Variants in TRAF3IP1 observed in about 807,000 individuals in gnomAD.
The protein encoded by TRAF3IP1 is TRAF3-interacting protein 1.
A neutral mutation model predicts 89.9 loss-of-function variants in TRAF3IP1; 53 were observed. That is an observed-to-expected ratio of 0.59 (90% CI 0.47 to 0.74). TRAF3IP1 has a LOEUF of 0.74. TRAF3IP1 is among the 30% of genes least tolerant of loss of function. The pLI, the probability that TRAF3IP1 is intolerant of heterozygous loss-of-function variation, is 0.00. For synonymous variants in TRAF3IP1, 311 were observed against 322.1 expected (o/e 0.97, Z 0.37); for missense variants, 806 against 866.1 (o/e 0.93, Z 0.87).
intron 15 of TRAF3IP1, among the ~76,000 whole-genome samples, chr2:238,359,602 A>G (rs1276169443): frequency 6.6e-6 from 1 of 152,164 alleles, no homozygotes; most frequent in African/African-American, 2.4e-5. Context: ...TGGATATACC[A>G]CAGTGTGTTC....
intron 8 of TRAF3IP1, among the ~76,000 whole-genome samples, chr2:238,342,032 A>G (rs1698683787): frequency 6.6e-6 from 1 of 151,904 alleles, no homozygotes; most frequent in South Asian, 2.1e-4. Context: ...CTCTATTGCC[A>G]GGTTGGAGTG....
At chr2:238,376,765 G>C (rs1700332748) in intron 15 of TRAF3IP1, among the ~76,000 whole-genome samples, 1 of 152,188 alleles carries the variant, frequency 6.6e-6, no homozygotes, top group Non-Finnish European at 1.5e-5. Flanking sequence ...TAGTAATGCT[G>C]TTGACTTATA....
chr2:238,347,080 T>A (rs1178451850), intron 9 of TRAF3IP1: 1 of 190,452 alleles, frequency 5.3e-6, no homozygotes, highest in African/African-American at 2.4e-5. Flanking sequence ...CGGGATTTGG[T>A]TGGCCGGGTT....
At chr2:238,378,842 A>G (rs976006717) in intron 15 of TRAF3IP1, among the ~76,000 whole-genome samples, 5 of 152,136 alleles carry the variant, frequency 3.3e-5, no homozygotes, top group African/African-American at 1.2e-4. Context: ...TCTTACCATC[A>G]CTTGCAAACC....
chr2:238,328,736 A>G lies in TRAF3IP1; in HGVS notation c.405A>G (p.Glu135=), dbSNP rs1263360358. 3.7e-6 allele frequency: 6 copies of G among 1,613,918 alleles called. No homozygotes were observed. The highest frequency in any genetic ancestry group is 2.7e-5 in the African/African-American group (2 of 74,868). The change falls in exon 4 of 17, where the codon GAA becomes GAG. Residue 135 remains glutamate, a synonymous_variant. Transcript: ENST00000373327. ...GGGTTTTAGCTGGAGAGAAGGGAGA[A>G]GTGAAAGGCCGGGCCTCACTGACCT... ...VRRVLAGEKG[E]VKGRASLTSR...
At chr2:238,339,938 A>G (rs147888732) in intron 8 of TRAF3IP1, among the ~76,000 whole-genome samples, 53 of 152,350 alleles carry the variant, frequency 3.5e-4, no homozygotes, top group African/African-American at 1.3e-3. Context: ...AAGAAGCACA[A>G]ACTGCAAACG....
At chr2:238,358,784 T>TC (rs1411680138) in intron 15 of TRAF3IP1, among the ~76,000 whole-genome samples, 2 of 152,230 alleles carry the variant, frequency 1.3e-5, no homozygotes, top group African/African-American at 4.8e-5. Flanking sequence ...AGCCTTATAG[T>TC]CCATTATTTG....
At chr2:238,344,368 C>A in intron 8 of TRAF3IP1, 129 bp from the exon 9 acceptor site, 1 of 740,230 alleles carries the variant, frequency 1.4e-6, no homozygotes. Flanking sequence ...TTGGTCAGTC[C>A]TTTGTCAGTC....
intron 8 of TRAF3IP1, among the ~76,000 whole-genome samples, chr2:238,343,925 CG>C (rs1559366126): frequency 6.6e-6 from 1 of 150,834 alleles, no homozygotes; most frequent in Non-Finnish European, 1.5e-5. Flanking sequence ...TCCCAAAATG[CG>C]GGGATTATAG....
chr2:238,354,656 T>C (rs181752762), intron 14 of TRAF3IP1, among the ~76,000 whole-genome samples: 215 of 152,256 alleles, frequency 1.4e-3, no homozygotes, highest in Non-Finnish European at 2.9e-3. Context: ...TTTTTATTTA[T>C]GTATTTATTT....
In TRAF3IP1 at chr2:238,347,483, A is replaced by C; in HGVS notation, c.1282+8A>C. The C allele has an allele frequency of 6.2e-7, 1 of 1,614,036 alleles. No homozygotes were observed. The highest frequency in any genetic ancestry group is 1.6e-4 in the Middle Eastern group (1 of 6,062). On this transcript the variant is annotated splice_region_variant and intron_variant, in intron 10 of 16. Transcript: ENST00000373327. Reference sequence around the variant, plus strand: ...ACTCCACCAGTGATGCAGGTGAGGAATGGCCTTAGATACCTGTGTGTCATA... The same window carrying C: ...ACTCCACCAGTGATGCAGGTGAGGACTGGCCTTAGATACCTGTGTGTCATA...
Position 238,344,530 on chromosome 2 carries a change from T to C in TRAF3IP1, c.1193T>C (p.Ile398Thr). The change falls in exon 9 of 17, where the codon ATT becomes ACT. Residue 398 changes from isoleucine to threonine, a missense_variant. By Grantham distance (89) the Ile-to-Thr change is moderately conservative (BLOSUM62 -1). This residue lies in a region of TRAF3IP1 where 732 missense variants were observed against 780.5 expected (regional missense o/e 0.94). Coordinates refer to ENST00000373327, the MANE Select transcript of TRAF3IP1 (RefSeq NM_015650.4). Reference sequence around the variant, plus strand: ...GAAGCTAATATTAACTCAACTAGTATTTCAGATGATAATTCAGCTAGTCTG... The same window carrying C: ...GAAGCTAATATTAACTCAACTAGTACTTCAGATGATAATTCAGCTAGTCTG... ...TKEANINSTS[I>T]SDDNSASLRC... is the part of the protein sequence containing the mutation. The C allele has an allele frequency of 6.2e-7, 1 of 1,614,190 alleles. No individual in the cohort carries two copies. The highest frequency in any genetic ancestry group is 1.6e-4 in the Middle Eastern group (1 of 6,062).
intron 3 of TRAF3IP1, among the ~76,000 whole-genome samples, chr2:238,326,422 G>C (rs1697834733): frequency 6.6e-6 from 1 of 151,912 alleles, no homozygotes. Context: ...TCCAGCCTCT[G>C]GTGTCTGCTT....
intron 5 of TRAF3IP1, among the ~76,000 whole-genome samples, chr2:238,330,615 C>T (rs67034173): frequency 0.12 from 17,743 of 152,122 alleles, 1,758 homozygotes; most frequent in African/African-American, 0.27. Flanking sequence ...TGTGGCACTG[C>T]GTCTCAGGGT....
chr2:238,339,289 TG>T (rs1698527283), intron 8 of TRAF3IP1, among the ~76,000 whole-genome samples: 1 of 152,198 alleles, frequency 6.6e-6, no homozygotes, highest in African/African-American at 2.4e-5. Context: ...GGGAGTTGTC[TG>T]GGTCTTCAGT....
chr2:238,381,501 C>T (rs116624210), intron 15 of TRAF3IP1, among the ~76,000 whole-genome samples: 262 of 152,264 alleles, frequency 1.7e-3, no homozygotes, highest in African/African-American at 6.1e-3. Flanking sequence ...GCAGGCTTGC[C>T]ACCACGCTGG....
rs1279607922 is a variant in TRAF3IP1, at chr2:238,351,858, T to C, written c.1452-969T>C. ...TGGTGTGTGTGTGTGTGTGTGTGTGTGTGTGTGTGCGCGCGCGCGCGTGTG... is the reference window on the plus strand; with the variant it reads ...TGGTGTGTGTGTGTGTGTGTGTGTGCGTGTGTGTGCGCGCGCGCGCGTGTG... On this transcript the variant is annotated intron_variant, in intron 12 of 16. Transcript: ENST00000373327. This position sits in a 1 kb window ranked among gnomAD's most constrained non-coding sequence, Gnocchi z 5.2. Among the ~76,000 whole-genome samples the C allele has an allele frequency of 9.5e-6, 1 of 104,786 alleles. No individual in the cohort carries two copies. Among genetic ancestry groups the C allele is most frequent in the Non-Finnish European group, 1.8e-5 (1 of 55,432 alleles). The allele number at this position is 104,786 out of a possible 152,430, so 68.7% of individuals were successfully genotyped here. A position where few individuals can be genotyped will look rare whatever the true frequency, so the allele number is the denominator to read the frequency against.
At chr2:238,346,654 G>C (rs929671339) in intron 9 of TRAF3IP1, among the ~76,000 whole-genome samples, 3 of 152,158 alleles carry the variant, frequency 2.0e-5, no homozygotes, top group Non-Finnish European at 2.9e-5. Context: ...CTGATTTCTC[G>C]AGGCTGCATG....
At chr2:238,357,965 A>C (rs1699493915) in intron 15 of TRAF3IP1, among the ~76,000 whole-genome samples, 1 of 152,206 alleles carries the variant, frequency 6.6e-6, no homozygotes, top group Non-Finnish European at 1.5e-5. Flanking sequence ...GTTTTGAAAA[A>C]GAGTGGTCAG....
Sources: gnomAD v4.1 joint callset for allele counts (sites outside exome capture counted in the v4.1 genomes callset) on GRCh38, gnomAD v4.1.1 for gene constraint, gnomAD v4.1.1 regional missense constraint, Gnocchi (gnomAD v3.1) non-coding constraint, MANE v1.5 for transcripts, NCBI Gene and HGNC (gene_info 2026-07-23, HGNC 2026-07-21) for gene names.